The following PCDH11X variants were observed in gnomAD, a reference collection of about 807,000 sequenced individuals.
PCDH11X encodes protocadherin 11 X-linked.
In PCDH11X, 18 loss-of-function variants were observed where a neutral mutation model predicts 53.3. The ratio of observed to expected loss-of-function variants is 0.34; its 90% CI spans 0.23 to 0.50. The LOEUF (loss-of-function observed/expected upper bound fraction) is 0.50. PCDH11X is among the 20% of genes least tolerant of loss of function. PCDH11X has a pLI of 0.98. For synonymous variants in PCDH11X, 279 were observed against 393.3 expected (o/e 0.71, Z 3.44); for missense variants, 570 against 1,032.4 (o/e 0.55, Z 6.14).
At chrX:92,255,476 G>T (rs1265268720) in intron 7 of PCDH11X, among the ~76,000 whole-genome samples, 2 of 109,347 alleles carry the variant, frequency 1.8e-5, no homozygotes, top group African/African-American at 6.7e-5. Flanking sequence ...TTGTTCCATT[G>T]CTGGTGAGGA....
chrX:92,138,992 A>C (rs1219028713), intron 6 of PCDH11X, among the ~76,000 whole-genome samples: 1 of 108,393 alleles, frequency 9.2e-6, no homozygotes, highest in East Asian at 2.9e-4. Flanking sequence ...TGGACAGAGG[A>C]GAATGTTCAA....
chrX:92,544,517 C>T (rs2074812056), intron 10 of PCDH11X, among the ~76,000 whole-genome samples: 1 of 108,402 alleles, frequency 9.2e-6, no homozygotes, highest in African/African-American at 3.4e-5. Context: ...AAAGTCAGCA[C>T]GAGTGCATGA....
chrX:92,575,918 T>C (rs1602366521), intron 10 of PCDH11X, among the ~76,000 whole-genome samples: 2 of 24,016 alleles, frequency 8.3e-5, no homozygotes, highest in African/African-American at 2.3e-4. Flanking sequence ...TATATATATA[T>C]ATATATATAT....
In PCDH11X at chrX:92,054,840, A is replaced by G. The variant is rs199558651; in HGVS notation, c.3034-146535A>G. 3.2e-3 allele frequency among the ~76,000 whole-genome samples: 340 copies of G among 104,764 alleles called. 3 individuals carry two copies. Among genetic ancestry groups the G allele is most frequent in the African/African-American group, 0.011 (317 of 27,596 alleles). 91.0% of individuals were successfully genotyped at this position (104,764 alleles called of 115,157 possible). ...TGTCTCAAAAAAAAAAAAAAAAAAA[A>G]AAAAGAAAAGAAAAGAAAAGAAAAA... On this transcript the variant is annotated intron_variant, in intron 6 of 10. Transcript: ENST00000682573.
At chrX:92,337,749 G>T (rs1047829154) in intron 8 of PCDH11X, among the ~76,000 whole-genome samples, 3 of 111,360 alleles carry the variant, frequency 2.7e-5, no homozygotes, top group African/African-American at 6.5e-5. Flanking sequence ...ATTCCAGAAA[G>T]ACCATCTTCA....
chrX:92,529,059 C>T (rs965823535), intron 10 of PCDH11X, among the ~76,000 whole-genome samples: 6 of 111,352 alleles, frequency 5.4e-5, no homozygotes, highest in Non-Finnish European at 1.1e-4. Flanking sequence ...ACCACTTTAT[C>T]CTGAAGCATT....
rs58402010 is a variant in PCDH11X, at chrX:92,295,739, T to TTGTG, written c.3144+32632_3144+32635dup. On this transcript the variant is annotated intron_variant, in intron 8 of 10. Coordinates refer to ENST00000682573, the MANE Select transcript of PCDH11X (RefSeq NM_032968.5). ...GCATGCTGGATTTTGACAGGTGTGT[T>TTGTG]TGTGTGTGTGTGTGTGTGTGTGTGT... Among the ~76,000 whole-genome samples, 120 of 71,547 alleles carry TTGTG rather than the reference T, an allele frequency of 1.7e-3. 3 individuals are homozygous for TTGTG. Among genetic ancestry groups the TTGTG allele is most frequent in the Admixed American group, 2.9e-3 (18 of 6,209 alleles). The allele number at this position is 71,547 out of a possible 115,157, so 62.1% of individuals were successfully genotyped here.
At chrX:91,818,505 C>G (rs1807559248) in intron 4 of PCDH11X, among the ~76,000 whole-genome samples, 2 of 108,518 alleles carry the variant, frequency 1.8e-5, no homozygotes, top group South Asian at 8.0e-4. Flanking sequence ...CAAAACCATC[C>G]TGGCTAATAT....
chrX:92,289,478 C>G (rs2068449219), intron 8 of PCDH11X, among the ~76,000 whole-genome samples: 1 of 111,790 alleles, frequency 8.9e-6, no homozygotes, highest in African/African-American at 3.2e-5. Context: ...TTTATTTCAG[C>G]TTTCACTTAT....
intron 6 of PCDH11X, among the ~76,000 whole-genome samples, chrX:92,062,180 T>G (rs2063533259): frequency 9.0e-6 from 1 of 111,557 alleles, no homozygotes; most frequent in Non-Finnish European, 1.9e-5. Context: ...ATTATGAAAC[T>G]TTGCTGAAGT....
rs267606529 is a variant in PCDH11X, at chrX:91,877,638, C to T, written c.1398C>T (p.Phe466=). ...VKDENDNAPV[F]TQSFVTVSIP... Reference sequence around the variant, plus strand: ...ATGAAAATGACAATGCTCCAGTTTTCACCCAGTCTTTCGTAACTGTTTCTA... The same window carrying T: ...ATGAAAATGACAATGCTCCAGTTTTTACCCAGTCTTTCGTAACTGTTTCTA... The change falls in exon 6 of 11, where the codon TTC becomes TTT. Residue 466 remains phenylalanine, a synonymous_variant. Transcript: ENST00000682573. 1.7e-6 allele frequency: 2 copies of T among 1,210,377 alleles called. No individual in the cohort carries two copies. The highest frequency in any genetic ancestry group is 1.8e-5 in the South Asian group (1 of 56,866).
rs771881709 is a variant in PCDH11X at position 92,459,852 on chromosome X, C to A, written c.3344-8447C>A. The A allele has an allele frequency of 5.5e-4, 618 of 1,117,235 alleles. 2 individuals carry two copies. In the African/African-American group the frequency reaches 0.01, roughly 18 times the overall value. 92.1% of individuals were successfully genotyped at this position (1,117,235 alleles called of 1,213,427 possible). The stretch of plus-strand genomic sequence containing the variant: ...TCCGGGGTGGCATGGGGCCTGGGGG[C>A]CTGGCCGCGGGGATGGCTGGGGGTC... On this transcript the variant is annotated intron_variant, in intron 9 of 10. Coordinates refer to ENST00000682573, the MANE Select transcript of PCDH11X (RefSeq NM_032968.5).
At chrX:92,280,435 C>T (rs1250159105) in intron 8 of PCDH11X, among the ~76,000 whole-genome samples, 1 of 109,534 alleles carries the variant, frequency 9.1e-6, no homozygotes, top group Non-Finnish European at 1.9e-5. Context: ...GTAATCCCAG[C>T]TACTCAGGAG....
intron 8 of PCDH11X, among the ~76,000 whole-genome samples, chrX:92,357,218 C>T (rs1228701274): frequency 9.0e-6 from 1 of 110,745 alleles, no homozygotes. Context: ...CTCCTTGCTT[C>T]ATTATAATAA....
At chrX:92,558,043 C>T (rs183933115) in intron 10 of PCDH11X, among the ~76,000 whole-genome samples, 17 of 111,324 alleles carry the variant, frequency 1.5e-4, no homozygotes, top group African/African-American at 5.2e-4. Flanking sequence ...ATGAGAACAG[C>T]ATGGGGATAA....
At chrX:92,440,506 C>T (rs1286838191) in intron 9 of PCDH11X, among the ~76,000 whole-genome samples, 4 of 108,207 alleles carry the variant, frequency 3.7e-5, no homozygotes, top group Admixed American at 3.0e-4. Flanking sequence ...GGGGCAGGAC[C>T]TTCCCATGCT....
chrX:92,372,338 T>A (rs1324693278), intron 8 of PCDH11X, among the ~76,000 whole-genome samples: 1 of 108,747 alleles, frequency 9.2e-6, no homozygotes, highest in Non-Finnish European at 1.9e-5. Context: ...TAAAGTGAGC[T>A]TAAATAATAC....
intron 9 of PCDH11X, among the ~76,000 whole-genome samples, chrX:92,419,287 T>TTG (rs1463482296): frequency 3.9e-5 from 4 of 103,773 alleles, no homozygotes; most frequent in Non-Finnish European, 7.8e-5. Context: ...TTTTTTTTTT[T>TTG]GTCTTTTTTT....
At chrX:92,376,085 C>G in intron 8 of PCDH11X, among the ~76,000 whole-genome samples, 1 of 111,386 alleles carries the variant, frequency 9.0e-6, no homozygotes, top group African/African-American at 3.3e-5. Context: ...CCTTCTTTCC[C>G]CTATTAGGTC....
Sources: allele counts gnomAD v4.1 joint callset (sites outside exome capture counted in the v4.1 genomes callset), GRCh38; gene constraint gnomAD v4.1.1; transcripts MANE v1.5; gene names NCBI Gene and HGNC (gene_info 2026-07-23, HGNC 2026-07-21).